SUN2: variants seen among roughly 807,000 people sequenced by gnomAD.
SUN2 encodes Sad1 and UNC84 domain containing 2.
In SUN2, 60 loss-of-function variants were observed where a neutral mutation model predicts 100.0. The ratio of observed to expected loss-of-function variants is 0.60; its 90% CI spans 0.49 to 0.74. SUN2 has a LOEUF of 0.74. Among genes scored for constraint, SUN2 ranks in the 30% least tolerant of loss-of-function variants. The pLI is 0.00. For missense variants in SUN2, 834 were observed against 954.6 expected (o/e 0.87, Z 1.66); for synonymous variants, 367 against 403.3 (o/e 0.91, Z 1.08).
At chr22:38,753,798 A>G (rs2092965994) in intron 1 of SUN2, among the ~76,000 whole-genome samples, 1 of 152,218 alleles carries the variant, frequency 6.6e-6, no homozygotes, top group Non-Finnish European at 1.5e-5. Context: ...CACAGTCCCC[A>G]GCCTGTAAGT....
At chr22:38,741,664 G>A in intron 9 of SUN2, 93 bp from the exon 10 acceptor site, 1 of 1,217,910 alleles carries the variant, frequency 8.2e-7, no homozygotes, top group South Asian at 1.3e-5. Flanking sequence ...TTCAAACAAG[G>A]TCTGTTTGCT....
intron 7 of SUN2, among the ~76,000 whole-genome samples, chr22:38,747,547 ATTAC>A (rs1377449629): frequency 6.6e-6 from 1 of 152,222 alleles, no homozygotes; most frequent in Non-Finnish European, 1.5e-5. Context: ...ATGGTCTTTA[ATTAC>A]TTGGTGCAGT....
rs1354626936 is a variant in SUN2, at chr22:38,739,258, C to T, written c.1663+84G>A. On this transcript the variant is annotated intron_variant, in intron 14 of 17. Transcript: ENST00000689035. This position sits in a 1 kb window ranked among gnomAD's most constrained non-coding sequence, Gnocchi z 6.7. ...CTGATCCTGAGCTTTGCTTGCTCTG[C>T]CCCACCACCAACCTGGTAGATGCCA... 6.9e-7 allele frequency: 1 copy of T among 1,452,122 alleles called. No homozygotes were observed. The highest frequency in any genetic ancestry group is 1.1e-5 in the South Asian group (1 of 87,730). The allele number at this position is 1,452,122 out of a possible 1,614,324, so 90.0% of individuals were successfully genotyped here.
chr22:38,748,232 T>G (rs1022035002), intron 7 of SUN2, among the ~76,000 whole-genome samples: 2 of 152,242 alleles, frequency 1.3e-5, no homozygotes, highest in African/African-American at 4.8e-5. Flanking sequence ...GAGAATCACT[T>G]GAACCTGAGA....
chr22:38,753,455 A>T (rs957611879), intron 1 of SUN2, among the ~76,000 whole-genome samples: 8 of 151,974 alleles, frequency 5.3e-5, no homozygotes, highest in African/African-American at 1.9e-4. Context: ...ACCTCAGGTG[A>T]TCTGTCCACC....
chr22:38,755,727 GC>G lies in SUN2; in HGVS notation c.-38+35del, dbSNP rs1193255313. ...TGACCCGGGGTCAGGCCGGGCCGCG[GC>G]CCCCCAACCCTCTCCTGAGCTCGCC... On this transcript the variant is annotated intron_variant, in intron 1 of 17. Transcript: ENST00000689035. The surrounding 1 kb of genome is among the most constrained non-coding windows in gnomAD (Gnocchi z 5.7). 6 of 984,942 alleles carry G rather than the reference GC, an allele frequency of 6.1e-6. No individual in the cohort carries two copies. Among genetic ancestry groups the G allele is most frequent in the Non-Finnish European group, 7.2e-6 (6 of 829,798 alleles). The allele number at this position is 984,942 out of a possible 1,614,324, so 61.0% of individuals were successfully genotyped here. A position where few individuals can be genotyped will look rare whatever the true frequency, so the allele number is the denominator to read the frequency against.
At chr22:38,741,852 G>GGA (rs2092860772) in intron 9 of SUN2, among the ~76,000 whole-genome samples, 1 of 152,206 alleles carries the variant, frequency 6.6e-6, no homozygotes, top group Non-Finnish European at 1.5e-5. Flanking sequence ...CTTAGAGAAG[G>GGA]TGAGGAGGCC....
In SUN2 at chr22:38,755,495, C is replaced by T; in HGVS notation, c.-38+268G>A. The T allele has an allele frequency of 1.5e-5, 15 of 986,824 alleles. No individual in the cohort carries two copies. Among genetic ancestry groups the T allele is most frequent in the Non-Finnish European group, 1.8e-5 (15 of 830,696 alleles). 61.1% of individuals were successfully genotyped at this position (986,824 alleles called of 1,614,324 possible). On this transcript the variant is annotated intron_variant, in intron 1 of 17. Coordinates refer to ENST00000689035, the MANE Select transcript of SUN2 (RefSeq NM_015374.3). This position sits in a 1 kb window ranked among gnomAD's most constrained non-coding sequence, Gnocchi z 5.7. ...GCCGGGTTGGGGCAGTCGGCCTTTG[C>T]CCTCCTCCTCCCGGGAGGCTGCCCG...
In SUN2 at chr22:38,739,511, G is replaced by A. The variant is rs540739470; in HGVS notation, c.1579-85C>T. ...TCGTGGCCGTGGGCCAAGGACCCAT[G>A]GGCTGACCCCTTCTAGGCTTGCACT... On this transcript the variant is annotated intron_variant, in intron 13 of 17. Transcript: ENST00000689035. The surrounding 1 kb of genome is among the most constrained non-coding windows in gnomAD (Gnocchi z 6.7). 14 of 1,490,818 alleles carry A rather than the reference G, an allele frequency of 9.4e-6. No homozygotes were observed. In the East Asian group the frequency reaches 1.2e-4, roughly 13 times the overall value. The allele number at this position is 1,490,818 out of a possible 1,614,324, so 92.3% of individuals were successfully genotyped here.
chr22:38,740,877 C>T lies in SUN2; in HGVS notation c.1190+130G>A. 2 of 1,071,362 alleles carry T rather than the reference C, an allele frequency of 1.9e-6. No homozygotes were observed. Among genetic ancestry groups the T allele is most frequent in the East Asian group, 2.6e-5 (1 of 38,402 alleles). 66.4% of individuals were successfully genotyped at this position (1,071,362 alleles called of 1,614,324 possible). ...CAGGGGTCCTGAGCTGGGTTTCAAC[C>T]CCTCCCCCTACCATCTGCTTGGCAA... On this transcript the variant is annotated intron_variant, in intron 11 of 17. Coordinates refer to ENST00000689035, the MANE Select transcript of SUN2 (RefSeq NM_015374.3). This position sits in a 1 kb window ranked among gnomAD's most constrained non-coding sequence, Gnocchi z 4.8.
In SUN2 at chr22:38,740,499, G is replaced by GA. The variant is rs954662712; in HGVS notation, c.1191-68dup. ...TGGGAGGTAAGGCCACACCAAAGAT[G>GA]AAAGAGGACCCCCTAGTGGGCTCCC... On this transcript the variant is annotated intron_variant, in intron 11 of 17. Transcript: ENST00000689035. The surrounding 1 kb of genome is among the most constrained non-coding windows in gnomAD (Gnocchi z 4.8). 7.7e-5 allele frequency: 107 copies of GA among 1,398,086 alleles called. No individual in the cohort carries two copies. In the African/African-American group the frequency reaches 1.4e-3, roughly 18 times the overall value. 86.6% of individuals were successfully genotyped at this position (1,398,086 alleles called of 1,614,324 possible).
rs2092978839 is a variant in SUN2 at position 38,755,529 on chromosome 22, C to G, written c.-38+234G>C. On this transcript the variant is annotated intron_variant, in intron 1 of 17. Transcript: ENST00000689035. The surrounding 1 kb of genome is among the most constrained non-coding windows in gnomAD (Gnocchi z 5.7). ...TCCCGGGAGGCTGCCCGGGAAGTCC[C>G]GCCCGCAGACACCGCCCTCCCGGCT... The G allele has an allele frequency of 2.0e-6, 2 of 981,552 alleles. No homozygotes were observed. The highest frequency in any genetic ancestry group is 2.4e-6 in the Non-Finnish European group (2 of 826,050). 60.8% of individuals were successfully genotyped at this position (981,552 alleles called of 1,614,324 possible).
intron 1 of SUN2, chr22:38,754,937 C>T: frequency 7.8e-7 from 1 of 1,289,244 alleles, no homozygotes; most frequent in Non-Finnish European, 1.0e-6. Flanking sequence ...AGGTCGAGGC[C>T]CCATTCTCCA....
At chr22:38,749,967 A>G in intron 5 of SUN2, 108 bp from the exon 6 acceptor site, 1 of 1,108,114 alleles carries the variant, frequency 9.0e-7, no homozygotes, top group Non-Finnish European at 1.3e-6. Flanking sequence ...ACCTGCCAGT[A>G]TGCCTCTGTC....
chr22:38,752,363 C>T (rs926595987), intron 2 of SUN2, 144 bp downstream of exon 2: 16 of 997,256 alleles, frequency 1.6e-5, no homozygotes, highest in East Asian at 4.9e-5. Flanking sequence ...AGGACCCCCT[C>T]GACCGGACGG....
intron 7 of SUN2, among the ~76,000 whole-genome samples, chr22:38,746,577 A>C (rs771254296): frequency 6.6e-6 from 1 of 151,912 alleles, no homozygotes; most frequent in Non-Finnish European, 1.5e-5. Flanking sequence ...TCATGCACAC[A>C]CTCCCCGAGC....
In SUN2 at chr22:38,755,988, G is replaced by A. The variant is rs1443887756; in HGVS notation, c.-263C>T. 1.0e-6 allele frequency: 1 copy of A among 984,362 alleles called. No individual in the cohort carries two copies. Among genetic ancestry groups the A allele is most frequent in the African/African-American group, 1.8e-5 (1 of 57,112 alleles). 61.0% of individuals were successfully genotyped at this position (984,362 alleles called of 1,614,324 possible). On this transcript the variant is annotated 5_prime_UTR_variant, in exon 1 of 18. Coordinates refer to ENST00000689035, the MANE Select transcript of SUN2 (RefSeq NM_015374.3). This position sits in a 1 kb window ranked among gnomAD's most constrained non-coding sequence, Gnocchi z 5.7. ...CCGCGCTGCGCGAGTGGGGCCGGGC[G>A]GCGCGCGTGTGGCCGACTCTGTATG...
chr22:38,745,543 T>C, intron 8 of SUN2, 141 bp downstream of exon 8: 1 of 1,130,252 alleles, frequency 8.8e-7, no homozygotes, highest in African/African-American at 1.5e-5. Flanking sequence ...CTTTCTGTTT[T>C]CTGTGCCTTG....
In SUN2 at chr22:38,755,856, G is replaced by T. The variant is rs1288434418; in HGVS notation, c.-131C>A. The T allele has an allele frequency of 4.1e-6, 4 of 982,504 alleles. No homozygotes were observed. Among genetic ancestry groups the T allele is most frequent in the Non-Finnish European group, 4.8e-6 (4 of 828,838 alleles). 60.9% of individuals were successfully genotyped at this position (982,504 alleles called of 1,614,324 possible). A position where few individuals can be genotyped will look rare whatever the true frequency, so the allele number is the denominator to read the frequency against. On this transcript the variant is annotated 5_prime_UTR_variant, in exon 1 of 18. Coordinates refer to ENST00000689035, the MANE Select transcript of SUN2 (RefSeq NM_015374.3). This position sits in a 1 kb window ranked among gnomAD's most constrained non-coding sequence, Gnocchi z 5.7. The stretch of plus-strand genomic sequence containing the variant: ...CTTTCCGCGTGGGGATCCCGCGGGC[G>T]GCGCTCCGCTCAGGGCGACACAGCG...
Sources: gnomAD v4.1 joint callset for allele counts (sites outside exome capture counted in the v4.1 genomes callset) on GRCh38, gnomAD v4.1.1 for gene constraint, Gnocchi (gnomAD v3.1) non-coding constraint, MANE v1.5 for transcripts, NCBI Gene and HGNC (gene_info 2026-07-23, HGNC 2026-07-21) for gene names.